The following CUX1 variants were observed in gnomAD, a reference collection of about 807,000 sequenced individuals.
CUX1 encodes the protein protein CASP.
In CUX1, 31 loss-of-function variants were observed where a neutral mutation model predicts 158.8. That is an observed-to-expected ratio of 0.20 (90% CI 0.15 to 0.26). The LOEUF (loss-of-function observed/expected upper bound fraction) is 0.26. Ranked by LOEUF, CUX1 falls within the 10% of genes least tolerant of loss-of-function variation. The probability of loss-of-function intolerance (pLI) is 1.00; values close to 1 mark genes in which losing one functional copy is unlikely to be tolerated. For synonymous variants in CUX1, 879 were observed against 862.1 expected (o/e 1.02, Z -0.34); for missense variants, 1,589 against 2,014.6 (o/e 0.79, Z 4.04).
intron 3 of CUX1, among the ~76,000 whole-genome samples, chr7:102,033,106 G>T (rs1366831199): frequency 6.6e-6 from 1 of 152,072 alleles, no homozygotes; most frequent in Non-Finnish European, 1.5e-5. Context: ...TTGAGTGCTC[G>T]TATTAGAGAA....
Position 102,253,045 on chromosome 7 carries a change from A to G in CUX1, c.*4003A>G. ...TGTGCAAGTAATTGAGGCAAAAGAT[A>G]CCAGTCGACAGCCTCCCTGGGGTAG... is the stretch of plus-strand genomic sequence containing the variant. On this transcript the variant is annotated 3_prime_UTR_variant, in exon 24 of 24. Transcript: ENST00000292535. 5.1e-6 allele frequency: 5 copies of G among 985,458 alleles called. No individual in the cohort carries two copies. Among genetic ancestry groups the G allele is most frequent in the African/African-American group, 3.5e-5 (2 of 57,372 alleles). The allele number at this position is 985,458 out of a possible 1,614,324, so 61.0% of individuals were successfully genotyped here. A position where few individuals can be genotyped will look rare whatever the true frequency, so the allele number is the denominator to read the frequency against.
intron 1 of CUX1, among the ~76,000 whole-genome samples, chr7:101,821,671 C>CTTTCTTTTTTTTTTTTTTTT (rs1792577760): frequency 1.9e-5 from 1 of 51,302 alleles, no homozygotes; most frequent in African/African-American, 8.1e-5. Flanking sequence ...TTTCTTTTTT[C>CTTTCTTTTTTTTTTTTTTTT]TTTTTTTTTT....
downstream of CUX1, among the ~76,000 whole-genome samples, chr7:102,259,569 T>C (rs1423253821): frequency 6.6e-6 from 1 of 151,686 alleles, no homozygotes; most frequent in Non-Finnish European, 1.5e-5. Flanking sequence ...GCCTGGGCGA[T>C]AGAGCGAAAC....
intron 1 of CUX1, among the ~76,000 whole-genome samples, chr7:101,857,874 G>A (rs1320717812): frequency 6.6e-4 from 101 of 152,132 alleles, no homozygotes; most frequent in Non-Finnish European, 4.4e-5. Flanking sequence ...TGTAATCCCA[G>A]CACTTTGGGA....
At chr7:101,830,712 C>G (rs778528973) in intron 1 of CUX1, among the ~76,000 whole-genome samples, 2 of 152,152 alleles carry the variant, frequency 1.3e-5, no homozygotes, top group Non-Finnish European at 2.9e-5. Context: ...CTGCCTCAGC[C>G]TCCCAAAGTG....
At chr7:102,260,570 CTTTTTTTTTTTT>C (rs55642237), downstream of CUX1, among the ~76,000 whole-genome samples, 2 of 51,050 alleles carry the variant, frequency 3.9e-5, no homozygotes, top group Admixed American at 3.9e-4. Flanking sequence ...CCACACCTGG[CTTTTTTTTTTTT>C]TTTTTTTTTT....
At chr7:101,915,936 G>T (rs1446967077) in intron 1 of CUX1, among the ~76,000 whole-genome samples, 179 bp from the exon 2 acceptor site, 5 of 152,060 alleles carry the variant, frequency 3.3e-5, no homozygotes, top group Non-Finnish European at 7.4e-5. Context: ...TGGGATGGGG[G>T]GATAATGTTC....
At chr7:101,974,577 A>G (rs975657142) in intron 2 of CUX1, among the ~76,000 whole-genome samples, 7 of 152,188 alleles carry the variant, frequency 4.6e-5, no homozygotes, top group African/African-American at 9.7e-5. Flanking sequence ...ATCTAATTCT[A>G]TAATCTAAAT....
chr7:102,021,399 C>T (rs1320499902), intron 2 of CUX1, among the ~76,000 whole-genome samples: 1 of 152,076 alleles, frequency 6.6e-6, no homozygotes, highest in Non-Finnish European at 1.5e-5. Flanking sequence ...ATCCCAAACT[C>T]CTAGGCTCAA....
chr7:101,968,027 C>T (rs1811446769), intron 2 of CUX1, among the ~76,000 whole-genome samples: 1 of 152,112 alleles, frequency 6.6e-6, no homozygotes, highest in African/African-American at 2.4e-5. Context: ...GCCTCAGCCT[C>T]CCAAGTAGCT....
intron 2 of CUX1, among the ~76,000 whole-genome samples, chr7:101,937,942 C>T (rs550946278): frequency 1.1e-4 from 17 of 152,264 alleles, no homozygotes; most frequent in African/African-American, 4.1e-4. Context: ...TGAGAAGATT[C>T]TGTTAACTCA....
chr7:102,181,662 A>G (rs1214762222), intron 11 of CUX1, among the ~76,000 whole-genome samples: 1 of 152,200 alleles, frequency 6.6e-6, no homozygotes, highest in African/African-American at 2.4e-5. Flanking sequence ...ATCTAATCTA[A>G]TAATCAAAAC....
intron 2 of CUX1, chr7:101,959,749 G>C (rs1017700650): frequency 6.6e-6 from 1 of 152,112 alleles, no homozygotes; most frequent in Non-Finnish European, 1.5e-5. Flanking sequence ...GCTCGATTTG[G>C]GGAGGCTGCT....
At chr7:102,270,064 C>T (rs2132786750) in intron 14 of CUX1, among the ~76,000 whole-genome samples, 1 of 152,366 alleles carries the variant, frequency 6.6e-6, no homozygotes, top group Admixed American at 6.5e-5. Flanking sequence ...TCTCCAGCTC[C>T]TTCTGTGTCC....
exon 23 of CUX1, chr7:102,283,613 CAG>C (rs1792283173): frequency 6.4e-6 from 1 of 156,698 alleles, no homozygotes. Flanking sequence ...TGAGGCTTGA[CAG>C]AGTCTGCCCC....
chr7:102,221,844 T>C (rs1797837216), intron 20 of CUX1, among the ~76,000 whole-genome samples: 1 of 152,106 alleles, frequency 6.6e-6, no homozygotes, highest in African/African-American at 2.4e-5. Flanking sequence ...CAGTGGGGCT[T>C]TTAAAATATG....
chr7:101,979,029 C>T (rs892014299), intron 2 of CUX1, among the ~76,000 whole-genome samples: 5 of 152,318 alleles, frequency 3.3e-5, no homozygotes, highest in Admixed American at 6.5e-5. Flanking sequence ...GCCAGAGGGG[C>T]GCTGCCTGGT....
chr7:102,027,653 G>A (rs949805071), intron 2 of CUX1, among the ~76,000 whole-genome samples: 2 of 152,126 alleles, frequency 1.3e-5, no homozygotes, highest in African/African-American at 4.8e-5. Context: ...TTAAGCCCAG[G>A]AGTTTGACCC....
At chr7:102,227,813 G>T in intron 21 of CUX1, 144 bp downstream of exon 21, 1 of 837,244 alleles carries the variant, frequency 1.2e-6, no homozygotes, top group East Asian at 2.6e-5. Context: ...TCCTATAGTT[G>T]TGAACAGTAA....
Sources: allele counts gnomAD v4.1 joint callset (sites outside exome capture counted in the v4.1 genomes callset), GRCh38; gene constraint gnomAD v4.1.1; transcripts MANE v1.5; gene names NCBI Gene and HGNC (gene_info 2026-07-23, HGNC 2026-07-21).